Variants in FHIT observed in about 807,000 individuals in gnomAD.
FHIT encodes the protein fragile histidine triad diadenosine triphosphatase, also known as bis(5'-adenosyl)-triphosphatase.
Under a neutral mutation model 17.9 loss-of-function variants are expected in FHIT, and 19 were observed. The ratio of observed to expected loss-of-function variants is 1.06; its 90% CI spans 0.74 to 1.56. The LOEUF (loss-of-function observed/expected upper bound fraction) is 1.56. Among genes scored for constraint, FHIT ranks in the 40% most tolerant of loss-of-function variants. The probability of loss-of-function intolerance (pLI) is 0.00; values close to 1 mark genes in which losing one functional copy is unlikely to be tolerated. For synonymous variants in FHIT, 81 were observed against 69.7 expected, an observed-to-expected ratio of 1.16 and a Z score of -0.81; for missense variants, 248 against 189.2, an observed-to-expected ratio of 1.31 and a Z score of -1.82.
intron 4 of FHIT, among the ~76,000 whole-genome samples, chr3:60,708,361 C>T (rs9811948): frequency 0.045 from 6,813 of 152,224 alleles, 536 homozygotes; most frequent in African/African-American, 0.15. Flanking sequence ...ACCAAAAGCA[C>T]ATTCATTTCA....
intron 4 of FHIT, among the ~76,000 whole-genome samples, chr3:60,734,325 A>G (rs2107994936): frequency 6.6e-6 from 1 of 152,332 alleles, no homozygotes; most frequent in African/African-American, 2.4e-5. Flanking sequence ...ATATGAAGGT[A>G]CACATACAAT....
At chr3:59,885,486 G>C (rs1328262428) in intron 8 of FHIT, among the ~76,000 whole-genome samples, 1 of 148,922 alleles carries the variant, frequency 6.7e-6, no homozygotes, top group East Asian at 2.0e-4. Flanking sequence ...ATTTGATTTG[G>C]TCCAAGCTAT....
At position 60,842,605 on chromosome 3, in the gene FHIT, ATATATATACATATATATATGAGTG is replaced by A. The variant is rs1300113983; in HGVS notation, c.-110-20618_-110-20595del. ...ACCTAGAGAAATTAAATGAGTGTAT[ATATATATACATATATATATGAGTG>A]TATATATATATATATATTTTTTTTT... On this transcript the variant is annotated intron_variant, in intron 3 of 9. Transcript: ENST00000492590. 1.4e-4 allele frequency among the ~76,000 whole-genome samples: 17 copies of A among 125,652 alleles called. 1 individual carries two copies. The highest frequency in any genetic ancestry group is 4.2e-4 in the African/African-American group (13 of 30,774). The allele number at this position is 125,652 out of a possible 152,430, so 82.4% of individuals were successfully genotyped here.
At chr3:59,937,009 A>T (rs1706274935) in intron 7 of FHIT, among the ~76,000 whole-genome samples, 3 of 152,220 alleles carry the variant, frequency 2.0e-5, no homozygotes, top group African/African-American at 7.2e-5. Context: ...ATGTAGAGAC[A>T]GACAAATGGT....
intron 3 of FHIT, among the ~76,000 whole-genome samples, chr3:60,980,263 A>G (rs1377542489): frequency 6.6e-6 from 1 of 152,204 alleles, no homozygotes; most frequent in Non-Finnish European, 1.5e-5. Flanking sequence ...TAAACACAAC[A>G]TCTTTTCTGT....
chr3:60,742,654 C>A (rs2042262402), intron 4 of FHIT, among the ~76,000 whole-genome samples: 1 of 152,192 alleles, frequency 6.6e-6, no homozygotes, highest in Non-Finnish European at 1.5e-5. Context: ...CTTTTAGGAA[C>A]CCATGCGTTT....
At chr3:60,702,770 A>AC (rs2041279005) in intron 4 of FHIT, among the ~76,000 whole-genome samples, 3 of 152,118 alleles carry the variant, frequency 2.0e-5, no homozygotes, top group African/African-American at 7.2e-5. Context: ...GCTAATAGCA[A>AC]ATATTCCTGT....
chr3:60,177,929 C>G (rs1006339399), intron 5 of FHIT, among the ~76,000 whole-genome samples: 7 of 152,134 alleles, frequency 4.6e-5, no homozygotes, highest in African/African-American at 1.7e-4. Flanking sequence ...TTTTGAGTTG[C>G]TGGTATGCCA....
chr3:60,433,273 G>C (rs1262611508), intron 5 of FHIT, among the ~76,000 whole-genome samples: 1 of 151,908 alleles, frequency 6.6e-6, no homozygotes, highest in African/African-American at 2.4e-5. Flanking sequence ...TATATATGTG[G>C]GGGGTGTACT....
At chr3:60,046,255 C>G (rs542871626) in intron 5 of FHIT, among the ~76,000 whole-genome samples, 42 of 152,304 alleles carry the variant, frequency 2.8e-4, no homozygotes, top group African/African-American at 8.4e-4. Context: ...CCCAGTTTCA[C>G]CATTCTGCAG....
chr3:60,709,314 CCTAT>C (rs1467579829), intron 4 of FHIT, among the ~76,000 whole-genome samples: 1 of 152,148 alleles, frequency 6.6e-6, no homozygotes, highest in Non-Finnish European at 1.5e-5. Context: ...GGTGGATTCT[CCTAT>C]CTGTTTCTGC....
intron 5 of FHIT, among the ~76,000 whole-genome samples, chr3:60,297,967 C>A (rs535250683): frequency 4.6e-5 from 7 of 152,158 alleles, no homozygotes; most frequent in African/African-American, 1.2e-4. Context: ...TCTTCATGTT[C>A]AAGAAATTTG....
At chr3:61,104,431 G>A (rs1259748211) in intron 2 of FHIT, among the ~76,000 whole-genome samples, 1 of 152,136 alleles carries the variant, frequency 6.6e-6, no homozygotes, top group Non-Finnish European at 1.5e-5. Context: ...TCTGCTAAGA[G>A]GTCTGCTGTT....
At chr3:60,098,188 G>A (rs1317214703) in intron 5 of FHIT, among the ~76,000 whole-genome samples, 1 of 136,464 alleles carries the variant, frequency 7.3e-6, no homozygotes, top group East Asian at 2.5e-4. Context: ...GTGTGCATGT[G>A]TCTTTATAGC....
At chr3:59,812,887 A>T (rs530092622) in intron 8 of FHIT, among the ~76,000 whole-genome samples, 86 of 152,288 alleles carry the variant, frequency 5.6e-4, no homozygotes, top group Admixed American at 2.4e-3. Context: ...TAAACCTGGT[A>T]TCTCTTCCCA....
chr3:60,814,558 T>A (rs1282755405), intron 4 of FHIT, among the ~76,000 whole-genome samples: 1 of 152,192 alleles, frequency 6.6e-6, no homozygotes. Context: ...TATTACTGCA[T>A]AATATCCCAT....
At chr3:59,808,450 C>G (rs533572489) in intron 8 of FHIT, among the ~76,000 whole-genome samples, 4 of 152,274 alleles carry the variant, frequency 2.6e-5, no homozygotes, top group Admixed American at 6.5e-5. Context: ...TCCCCACAAC[C>G]CCACCTCTGC....
In FHIT at chr3:60,532,651, G is replaced by T. The variant is rs577360120; in HGVS notation, c.103+4209C>A. The stretch of plus-strand genomic sequence containing the variant: ...TAAGCGTTGCACCACAGAAGCCAAA[G>T]CCTGTTCAATAGGCTTTAAACAGTG... On this transcript the variant is annotated intron_variant, in intron 5 of 9. Transcript: ENST00000492590. Among the ~76,000 whole-genome samples the T allele has an allele frequency of 4.6e-5, 7 of 152,296 alleles. No homozygotes were observed. In the South Asian group the frequency reaches 1.5e-3, roughly 32 times the overall value.
At chr3:60,689,460 G>A (rs372064230) in intron 4 of FHIT, among the ~76,000 whole-genome samples, 2 of 152,134 alleles carry the variant, frequency 1.3e-5, no homozygotes, top group Non-Finnish European at 2.9e-5. Context: ...AAAGTAGTCT[G>A]TAGGTTACAT....
Sources: allele counts gnomAD v4.1 joint callset (sites outside exome capture counted in the v4.1 genomes callset), GRCh38; gene constraint gnomAD v4.1.1; transcripts MANE v1.5; gene names NCBI Gene and HGNC (gene_info 2026-07-23, HGNC 2026-07-21).